The following CCDC12 variants were observed in gnomAD, a reference collection of about 807,000 sequenced individuals.
The protein encoded by CCDC12 is coiled-coil domain-containing protein 12.
In CCDC12, 28 loss-of-function variants were observed where a neutral mutation model predicts 25.7. The ratio of observed to expected loss-of-function variants is 1.09; its 90% confidence interval spans 0.81 to 1.50. The LOEUF (loss-of-function observed/expected upper bound fraction) is 1.50. CCDC12 is among the 40% of genes most tolerant of loss of function. CCDC12 has a pLI of 0.00. For synonymous variants in CCDC12, 75 were observed against 87.7 expected (o/e 0.86, Z 0.81); for missense variants, 198 against 210.0 (o/e 0.94, Z 0.35).
chr3:46,978,184 C>A (rs563283198), upstream of CCDC12, among the ~76,000 whole-genome samples: 89 of 152,318 alleles, frequency 5.8e-4, no homozygotes, highest in Admixed American at 2.4e-3. Flanking sequence ...CTTCACTAAC[C>A]CTCTTGTCCT....
chr3:46,958,963 C>T (rs1176763220), intron 1 of CCDC12, among the ~76,000 whole-genome samples: 1 of 152,188 alleles, frequency 6.6e-6, no homozygotes, highest in Non-Finnish European at 1.5e-5. Flanking sequence ...GAGGTTTACA[C>T]AGCAACAAAA....
chr3:46,979,014 C>T (rs2035117376), upstream of CCDC12, among the ~76,000 whole-genome samples: 1 of 152,078 alleles, frequency 6.6e-6, no homozygotes. Context: ...CCATGAGGCA[C>T]CCACCTGTTG....
chr3:46,927,664 G>T (rs1455821874), intron 2 of CCDC12, among the ~76,000 whole-genome samples: 2 of 152,220 alleles, frequency 1.3e-5, no homozygotes, highest in Non-Finnish European at 2.9e-5. Context: ...CCATGGGAAG[G>T]TCTCATTCTG....
intron 2 of CCDC12, among the ~76,000 whole-genome samples, chr3:46,935,010 C>A (rs1345369393): frequency 2.0e-5 from 3 of 152,230 alleles, no homozygotes; most frequent in African/African-American, 7.2e-5. Context: ...AGCAGAGAGG[C>A]CTGGCATTGG....
At chr3:46,974,761 T>G in intron 1 of CCDC12, among the ~76,000 whole-genome samples, 1 of 152,222 alleles carries the variant, frequency 6.6e-6, no homozygotes, top group Non-Finnish European at 1.5e-5. Flanking sequence ...CTGACAGGTC[T>G]AGCTATTTAA....
chr3:46,977,063 C>T (rs922789552), upstream of CCDC12: 4 of 374,688 alleles, frequency 1.1e-5, no homozygotes, highest in Non-Finnish European at 2.0e-5. Context: ...GAAAAGAGTG[C>T]GTCGATCGCT....
chr3:46,963,608 G>A (rs905357308), intron 1 of CCDC12, among the ~76,000 whole-genome samples: 4 of 152,162 alleles, frequency 2.6e-5, no homozygotes, highest in Non-Finnish European at 4.4e-5. Context: ...GGCGCGCGCC[G>A]CCACACCTGA....
chr3:46,972,626 T>C (rs1316018940), intron 1 of CCDC12, among the ~76,000 whole-genome samples: 1 of 151,868 alleles, frequency 6.6e-6, no homozygotes, highest in East Asian at 1.9e-4. Context: ...AGGAAGGTTA[T>C]AATTAAAAAA....
intron 1 of CCDC12, among the ~76,000 whole-genome samples, chr3:46,947,390 T>C (rs1184942502): frequency 6.6e-6 from 1 of 152,232 alleles, no homozygotes; most frequent in African/African-American, 2.4e-5. Flanking sequence ...AGGGACTTCC[T>C]GTCGGGTGCT....
chr3:46,964,403 T>C (rs1170491243), intron 1 of CCDC12, among the ~76,000 whole-genome samples: 1 of 152,060 alleles, frequency 6.6e-6, no homozygotes, highest in Non-Finnish European at 1.5e-5. Context: ...CCGCCCCTTC[T>C]GGGAAGTGAG....
intron 2 of CCDC12, among the ~76,000 whole-genome samples, chr3:46,938,087 G>A (rs1442679550): frequency 6.6e-6 from 1 of 152,200 alleles, no homozygotes; most frequent in Non-Finnish European, 1.5e-5. Flanking sequence ...GTTCCACCAT[G>A]CTCCACTGCC....
At chr3:46,933,988 C>T (rs1559551551) in intron 2 of CCDC12, among the ~76,000 whole-genome samples, 4 of 151,192 alleles carry the variant, frequency 2.6e-5, no homozygotes, top group South Asian at 2.1e-4. Flanking sequence ...GGAGCAATCT[C>T]GGCTCACTAC....
At chr3:46,960,958 G>A (rs2034444642) in intron 1 of CCDC12, among the ~76,000 whole-genome samples, 1 of 151,994 alleles carries the variant, frequency 6.6e-6, no homozygotes, top group African/African-American at 2.4e-5. Flanking sequence ...GTGGGTTGGG[G>A]GCATGTGGAG....
At chr3:46,942,055 C>G (rs948042934) in intron 1 of CCDC12, among the ~76,000 whole-genome samples, 1 of 152,236 alleles carries the variant, frequency 6.6e-6, no homozygotes, top group Non-Finnish European at 1.5e-5. Context: ...TCATGTTCAT[C>G]TCAACCTTGA....
chr3:46,963,300 C>T (rs1483080838), intron 1 of CCDC12, among the ~76,000 whole-genome samples: 1 of 152,146 alleles, frequency 6.6e-6, no homozygotes, highest in Admixed American at 6.6e-5. Context: ...AGTTTGTATG[C>T]TTAATTAAAA....
At chr3:46,927,973 C>T (rs1348581936) in intron 2 of CCDC12, among the ~76,000 whole-genome samples, 1 of 152,186 alleles carries the variant, frequency 6.6e-6, no homozygotes, top group African/African-American at 2.4e-5. Flanking sequence ...GCTTGGGGAC[C>T]TGGCCTTTCC....
intron 5 of CCDC12, 57 bp downstream of exon 5, chr3:46,923,272 G>A (rs1348015779): frequency 4.9e-6 from 7 of 1,440,168 alleles, no homozygotes; most frequent in Non-Finnish European, 6.4e-6. Flanking sequence ...CCAGGCCCAT[G>A]CTGGCACCAA....
intron 1 of CCDC12, among the ~76,000 whole-genome samples, chr3:46,966,746 CTTAATTTACAGGAAGGCT>C (rs2034653892): frequency 1.3e-5 from 2 of 152,212 alleles, no homozygotes; most frequent in East Asian, 3.9e-4. Context: ...GGAAAGGAGG[CTTAATTTACAGGAAGGCT>C]TTGGCCAGCA....
At chr3:46,931,365 T>C (rs1052379419) in intron 2 of CCDC12, among the ~76,000 whole-genome samples, 2 of 152,190 alleles carry the variant, frequency 1.3e-5, no homozygotes, top group African/African-American at 4.8e-5. Flanking sequence ...TGATGTTCTC[T>C]GTCAAGTATA....
Sources: allele counts gnomAD v4.1 joint callset (sites outside exome capture counted in the v4.1 genomes callset), GRCh38; gene constraint gnomAD v4.1.1; transcripts MANE v1.5; gene names NCBI Gene and HGNC (gene_info 2026-07-23, HGNC 2026-07-21).